Variants in RYR3 observed in about 807,000 individuals in gnomAD.
RYR3 encodes brain ryanodine receptor-calcium release channel.
In RYR3, 207 loss-of-function variants were observed where a neutral mutation model predicts 584.3. That is an observed-to-expected ratio of 0.35 (90% CI 0.32 to 0.40). The LOEUF (loss-of-function observed/expected upper bound fraction) is 0.40. Among genes scored for constraint, RYR3 ranks in the 10% least tolerant of loss-of-function variants. RYR3 has a pLI of 1.00. For synonymous variants in RYR3, 2,416 were observed against 2,248.5 expected (o/e 1.07, Z -2.11); for missense variants, 5,616 against 6,089.2 (o/e 0.92, Z 2.59).
intron 1 of RYR3, among the ~76,000 whole-genome samples, chr15:33,341,163 C>G (rs1016010567): frequency 6.6e-6 from 1 of 152,062 alleles, no homozygotes; most frequent in Non-Finnish European, 1.5e-5. Flanking sequence ...CTCAGCCTCC[C>G]GAGTAGCTGG....
intron 40 of RYR3, among the ~76,000 whole-genome samples, chr15:33,698,821 T>C (rs1478931850): frequency 6.6e-6 from 1 of 152,154 alleles, no homozygotes; most frequent in Non-Finnish European, 1.5e-5. Flanking sequence ...TACAAGTTTC[T>C]GAACCTTATT....
chr15:33,323,117 T>A (rs1969210690), intron 1 of RYR3, among the ~76,000 whole-genome samples: 1 of 151,846 alleles, frequency 6.6e-6, no homozygotes, highest in South Asian at 2.1e-4. Flanking sequence ...AATACATATA[T>A]ATTTTTTTCT....
intron 16 of RYR3, among the ~76,000 whole-genome samples, chr15:33,594,834 G>A (rs754990228): frequency 3.9e-5 from 6 of 152,222 alleles, no homozygotes; most frequent in South Asian, 2.1e-4. Context: ...TCTGTGGCAC[G>A]CAATAATTTT....
chr15:33,639,786 A>T (rs1346043172), intron 27 of RYR3, among the ~76,000 whole-genome samples: 1 of 152,112 alleles, frequency 6.6e-6, no homozygotes, highest in African/African-American at 2.4e-5. Flanking sequence ...ATATGCCTTT[A>T]TCTGCTTCAT....
At position 33,557,085 on chromosome 15, in the gene RYR3, G is replaced by A. The variant is rs144652730; in HGVS notation, c.973-5752G>A. On this transcript the variant is annotated intron_variant, in intron 10 of 103. Coordinates refer to ENST00000634891, the MANE Select transcript of RYR3 (RefSeq NM_001036.6). ...AACCATTCAGATATTCTGTTCAAGT[G>A]AATTATACCTGGCTTTGGAATTGTA... Among the ~76,000 whole-genome samples the A allele has an allele frequency of 7.0e-3, 1,065 of 152,280 alleles. 34 individuals carry two copies. The highest frequency in any genetic ancestry group is 0.053 in the Admixed American group (809 of 15,298).
At chr15:33,864,332 TAAG>T in intron 103 of RYR3, 143 bp downstream of exon 103, 1 of 644,384 alleles carries the variant, frequency 1.6e-6, no homozygotes, top group Admixed American at 2.8e-5. Flanking sequence ...TGTGACTCAA[TAAG>T]AAGCCAAAGT....
chr15:33,530,678 T>G lies in RYR3; in HGVS notation c.354+12T>G. The G allele has an allele frequency of 6.2e-7, 1 of 1,603,234 alleles. No individual in the cohort carries two copies. The highest frequency in any genetic ancestry group is 8.5e-7 in the Non-Finnish European group (1 of 1,170,440). ...CTTTCAGCGGAATGGTAAGCAGCTCTGGTGCCCACTTTCATCATTCAAGGA... is the reference window on the plus strand; with the variant it reads ...CTTTCAGCGGAATGGTAAGCAGCTCGGGTGCCCACTTTCATCATTCAAGGA... On this transcript the variant is annotated intron_variant, in intron 4 of 103. Transcript: ENST00000634891.
intron 60 of RYR3, among the ~76,000 whole-genome samples, chr15:33,762,390 T>C (rs75198723): frequency 4.0e-4 from 61 of 152,308 alleles, no homozygotes; most frequent in African/African-American, 1.5e-3. Context: ...CTTAAGCTGA[T>C]AAGCAACTTA....
chr15:33,339,077 G>A (rs1010695852), intron 1 of RYR3, among the ~76,000 whole-genome samples: 1 of 152,122 alleles, frequency 6.6e-6, no homozygotes, highest in African/African-American at 2.4e-5. Flanking sequence ...GAACATGAGG[G>A]CTGTTAATAT....
rs2152703162 is a variant in RYR3, at chr15:33,660,384, C to A, written c.4583C>A (p.Pro1528His). The change falls in exon 34 of 104, where the codon CCC becomes CAC. Residue 1528 changes from proline (P) to histidine (H), a missense_variant. Coordinates refer to ENST00000634891, the MANE Select transcript of RYR3 (RefSeq NM_001036.6). ...RHGWVVQCLE[P>H]LQMMALHIPE... ...GGCTGGGTGGTGCAGTGCCTGGAGC[C>A]CCTGCAGATGATGGCGCTCCACATC... The A allele has an allele frequency of 1.9e-6, 3 of 1,582,606 alleles. No homozygotes were observed. Among genetic ancestry groups the A allele is most frequent in the African/African-American group, 2.7e-5 (2 of 74,412 alleles).
intron 11 of RYR3, among the ~76,000 whole-genome samples, chr15:33,564,476 T>C (rs1329169003): frequency 6.6e-6 from 1 of 152,194 alleles, no homozygotes; most frequent in African/African-American, 2.4e-5. Flanking sequence ...GAATGAGGGC[T>C]GCACGCTGGG....
At chr15:33,312,146 AT>A (rs1967410840) in intron 1 of RYR3, among the ~76,000 whole-genome samples, 2 of 152,186 alleles carry the variant, frequency 1.3e-5, no homozygotes, top group South Asian at 4.1e-4. Flanking sequence ...ATCTTAGGTA[AT>A]TTTATATGCG....
At chr15:33,328,780 A>C (rs1194292006) in intron 1 of RYR3, among the ~76,000 whole-genome samples, 2 of 152,128 alleles carry the variant, frequency 1.3e-5, no homozygotes, top group Non-Finnish European at 2.9e-5. Context: ...ATATGTCTAA[A>C]CTTGTAAAAG....
At chr15:33,836,484 AAGG>A (rs1160493350) in intron 87 of RYR3, among the ~76,000 whole-genome samples, 1 of 146,872 alleles carries the variant, frequency 6.8e-6, no homozygotes, top group Non-Finnish European at 1.5e-5. Context: ...TCCAGAAAGA[AAGG>A]AGAACCCACT....
intron 18 of RYR3, among the ~76,000 whole-genome samples, chr15:33,611,290 C>T (rs2060172400): frequency 6.6e-6 from 1 of 152,178 alleles, no homozygotes; most frequent in African/African-American, 2.4e-5. Context: ...GGCGCGGTGG[C>T]TCACGCCTGT....
At chr15:33,683,776 C>A (rs573780822) in intron 38 of RYR3, among the ~76,000 whole-genome samples, 16 of 152,252 alleles carry the variant, frequency 1.1e-4, no homozygotes, top group Middle Eastern at 3.2e-3. Flanking sequence ...GAGAAACTTC[C>A]GCCCAAATAC....
At position 33,829,038 on chromosome 15, in the gene RYR3, C is replaced by A. The variant is rs148768783; in HGVS notation, c.11334+1751C>A. ...ACTGCTCGTTTACCATTCCAAAAAT[C>A]CTAGGGCCCTTAAGAATTATGGTAA... is the stretch of plus-strand genomic sequence containing the variant. On this transcript the variant is annotated intron_variant, in intron 85 of 103. Transcript: ENST00000634891. Among the ~76,000 whole-genome samples, 755 of 152,276 alleles carry A rather than the reference C, an allele frequency of 5.0e-3. 5 individuals carry two copies. Among genetic ancestry groups the A allele is most frequent in the Non-Finnish European group, 7.9e-3 (535 of 68,024 alleles).
Position 33,750,229 on chromosome 15 carries a change from G to A in RYR3, c.8342G>A (p.Arg2781Gln), listed in dbSNP as rs375015024. The A allele has an allele frequency of 9.4e-5, 151 of 1,609,888 alleles. 1 individual carries two copies. In the Middle Eastern group the frequency reaches 0.01, roughly 107 times the overall value. ...TLTAKEKFKD[R>Q]EKAQDLFKFL... The stretch of plus-strand genomic sequence containing the variant: ...ACTGCCAAGGAAAAGTTCAAGGACC[G>A]GGAGAAGGCACAGGACCTGTTTAAG... The change falls in exon 57 of 104, where the codon CGG becomes CAG. Residue 2781 changes from arginine (R) to glutamine (Q), a missense_variant. Coordinates refer to ENST00000634891, the MANE Select transcript of RYR3 (RefSeq NM_001036.6).
chr15:33,656,495 T>A (rs895242832), intron 32 of RYR3, among the ~76,000 whole-genome samples: 1 of 151,284 alleles, frequency 6.6e-6, no homozygotes, highest in South Asian at 2.1e-4. Context: ...ATTTTTTTTT[T>A]ATTGTTGCCT....
Sources: allele counts gnomAD v4.1 joint callset (sites outside exome capture counted in the v4.1 genomes callset), GRCh38; gene constraint gnomAD v4.1.1; transcripts MANE v1.5; gene names NCBI Gene and HGNC (gene_info 2026-07-23, HGNC 2026-07-21).